GLI2: variants seen among roughly 807,000 people sequenced by gnomAD.
GLI2 encodes the protein transcription activator GLI2.
GLI2 carries 22 observed loss-of-function variants against 78.9 expected under a neutral mutation model. That is an observed-to-expected ratio of 0.28 (90% CI 0.20 to 0.40). The LOEUF (loss-of-function observed/expected upper bound fraction) is 0.40, where lower values mean the gene tolerates loss of function less well. Among genes scored for constraint, GLI2 ranks in the 10% least tolerant of loss-of-function variants. The pLI is 1.00. For synonymous variants in GLI2, 974 were observed against 963.7 expected, an observed-to-expected ratio of 1.01 and a Z score of -0.20; for missense variants, 2,097 against 2,213.2, an observed-to-expected ratio of 0.95 and a Z score of 1.05.
In GLI2 at chr2:120,990,411, T is replaced by C. The variant is rs151090814; in HGVS notation, c.4446T>C (p.Thr1482=). 2.4e-4 allele frequency: 380 copies of C among 1,614,054 alleles called. 1 individual carries two copies. In the African/African-American group the frequency reaches 3.0e-3, roughly 13 times the overall value. ...PSPGVNQVSS[T]VDSQLLEAPQ... is the part of the protein sequence containing the mutation. ...CAGGGGTCAACCAGGTGTCCAGCAC[T>C]GTGGACTCCCAGCTCCTGGAGGCCC... The change falls in exon 14 of 14, where the codon ACT becomes ACC. Residue 1482 remains threonine, a synonymous_variant. Transcript: ENST00000361492.
At chr2:120,805,730 T>G (rs1235189654) in intron 2 of GLI2, among the ~76,000 whole-genome samples, 1 of 152,246 alleles carries the variant, frequency 6.6e-6, no homozygotes, top group Non-Finnish European at 1.5e-5. Flanking sequence ...AAACCCCAAC[T>G]TCCCAAGTGA....
At chr2:120,890,688 A>C (rs1404664379) in intron 2 of GLI2, among the ~76,000 whole-genome samples, 5 of 152,196 alleles carry the variant, frequency 3.3e-5, no homozygotes, top group African/African-American at 1.2e-4. Context: ...AGCGAAAAAT[A>C]AACAAGGTAA....
intron 2 of GLI2, among the ~76,000 whole-genome samples, chr2:120,871,506 G>A (rs778705497): frequency 6.6e-6 from 1 of 152,262 alleles, no homozygotes; most frequent in Non-Finnish European, 1.5e-5. Context: ...CCCAGACCAG[G>A]ACAGAACTTT....
At chr2:120,849,601 A>G (rs1278838537) in intron 2 of GLI2, among the ~76,000 whole-genome samples, 41 of 152,222 alleles carry the variant, frequency 2.7e-4, no homozygotes, top group Admixed American at 2.6e-3. Context: ...GGGTCTCCCT[A>G]TGGAATTGCT....
chr2:120,965,442 T>C (rs1681800792), intron 5 of GLI2, among the ~76,000 whole-genome samples: 1 of 149,808 alleles, frequency 6.7e-6, no homozygotes, highest in South Asian at 2.1e-4. Context: ...CCAGCCGGGA[T>C]GCAGGTGGTG....
At chr2:120,982,942 C>T (rs1663859534) in intron 11 of GLI2, 62 bp downstream of exon 11, 2 of 1,531,830 alleles carry the variant, frequency 1.3e-6, no homozygotes, top group African/African-American at 1.4e-5. Context: ...CCCATGGCTT[C>T]CAGGCATCTG....
chr2:120,850,299 AACAG>A, intron 2 of GLI2, among the ~76,000 whole-genome samples: 2 of 29,216 alleles, frequency 6.8e-5, no homozygotes, highest in African/African-American at 4.7e-4. Flanking sequence ...AGAAGGGGAG[AACAG>A]AACAGAACAG....
chr2:120,865,165 A>G (rs1034254072), intron 2 of GLI2, among the ~76,000 whole-genome samples: 1 of 152,072 alleles, frequency 6.6e-6, no homozygotes, highest in African/African-American at 2.4e-5. Context: ...ACGTGGCTCG[A>G]GTGTCTGAGC....
At chr2:120,903,859 G>A (rs1678384736) in intron 2 of GLI2, among the ~76,000 whole-genome samples, 1 of 152,152 alleles carries the variant, frequency 6.6e-6, no homozygotes, top group Non-Finnish European at 1.5e-5. Flanking sequence ...GGATCCAGAG[G>A]GATGAAGACC....
intron 2 of GLI2, among the ~76,000 whole-genome samples, chr2:120,880,792 A>C (rs1213649558): frequency 6.6e-6 from 1 of 152,226 alleles, no homozygotes; most frequent in Non-Finnish European, 1.5e-5. Context: ...GCTTTTGAAA[A>C]TTAAAATGTT....
intron 2 of GLI2, among the ~76,000 whole-genome samples, chr2:120,885,997 T>C (rs1479865829): frequency 2.0e-5 from 3 of 152,190 alleles, no homozygotes; most frequent in Non-Finnish European, 4.4e-5. Flanking sequence ...CCAGATAATT[T>C]TACATGCATT....
chr2:120,881,231 T>C (rs770344819), intron 2 of GLI2, among the ~76,000 whole-genome samples: 3 of 152,144 alleles, frequency 2.0e-5, no homozygotes, highest in Non-Finnish European at 2.9e-5. Context: ...AACACATCCC[T>C]GAAGTTCCCT....
rs1677827212 is a variant in GLI2 at position 120,894,212 on chromosome 2, C to T, written c.149-33149C>T. Among the ~76,000 whole-genome samples the T allele has an allele frequency of 2.0e-5, 3 of 152,216 alleles. No individual in the cohort carries two copies. The South Asian group carries it at 6.2e-4, about 32-fold the overall frequency. ...GCTTGCTTTCCTGGTTCTTCCCAAG[C>T]AATTGTCCGTCTCTCAGATCTGTGC... On this transcript the variant is annotated intron_variant, in intron 2 of 13. Coordinates refer to ENST00000361492, the MANE Select transcript of GLI2 (RefSeq NM_001374353.1).
intron 4 of GLI2, among the ~76,000 whole-genome samples, chr2:120,954,093 C>G (rs1681122556): frequency 6.6e-6 from 1 of 152,162 alleles, no homozygotes; most frequent in Admixed American, 6.5e-5. Context: ...CCTTGGGCTA[C>G]TAAGTGACCA....
chr2:120,988,606 G>T lies in GLI2; in HGVS notation c.2641G>T (p.Gly881Cys). ...SLRAKYAAAT[G>C]GPPPTPLPGL... ...GCGGGCCAAGTACGCGGCAGCCACT[G>T]GCGGCCCCCCGCCCACTCCGCTGCC... Residue 881 changes from glycine (G) to cysteine (C), a missense_variant, in exon 14 of 14, where the codon GGC (glycine) becomes TGC (cysteine). Gly to Cys is a radical substitution (Grantham distance 159). This residue lies in a region of GLI2 where 1,290 missense variants were observed against 1,261.7 expected (regional missense o/e 1.02). Coordinates refer to ENST00000361492, the MANE Select transcript of GLI2 (RefSeq NM_001374353.1). 1 of 1,480,000 alleles carries T rather than the reference G, an allele frequency of 6.8e-7. No individual in the cohort carries two copies. Among genetic ancestry groups the T allele is most frequent in the Non-Finnish European group, 8.9e-7 (1 of 1,121,090 alleles). 91.7% of individuals were successfully genotyped at this position (1,480,000 alleles called of 1,614,324 possible).
At chr2:120,741,528 C>T (rs1167839462) in intron 1 of GLI2, among the ~76,000 whole-genome samples, 1 of 151,828 alleles carries the variant, frequency 6.6e-6, no homozygotes, top group East Asian at 1.9e-4. Flanking sequence ...CTCCGTTTCC[C>T]CCTCCTCCGT....
intron 1 of GLI2, among the ~76,000 whole-genome samples, chr2:120,743,410 C>T (rs1682609591): frequency 6.6e-6 from 1 of 151,888 alleles, no homozygotes; most frequent in African/African-American, 2.4e-5. Context: ...TCGAGGCCAG[C>T]CTGGGCAACA....
At chr2:120,738,053 G>A (rs576884505) in intron 1 of GLI2, among the ~76,000 whole-genome samples, 2 of 152,342 alleles carry the variant, frequency 1.3e-5, no homozygotes, top group African/African-American at 4.8e-5. Flanking sequence ...CCTGGGAACG[G>A]CTTTGCAGTT....
At chr2:120,841,437 C>T (rs1471879249) in intron 2 of GLI2, among the ~76,000 whole-genome samples, 1 of 152,216 alleles carries the variant, frequency 6.6e-6, no homozygotes, top group East Asian at 1.9e-4. Flanking sequence ...GCTGTGTGAT[C>T]TCTGCAGGAC....
Sources: gnomAD v4.1 joint callset for allele counts (sites outside exome capture counted in the v4.1 genomes callset) on GRCh38, gnomAD v4.1.1 for gene constraint, gnomAD v4.1.1 regional missense constraint, MANE v1.5 for transcripts, NCBI Gene and HGNC (gene_info 2026-07-23, HGNC 2026-07-21) for gene names.